The following CADPS variants were observed in gnomAD, a reference collection of about 807,000 sequenced individuals.
The protein encoded by CADPS is calcium dependent secretion activator, also known as calcium-dependent secretion activator 1.
CADPS carries 57 observed loss-of-function variants against 167.3 expected under a neutral mutation model. The observed-to-expected ratio is 0.34, with a 90% CI of 0.28 to 0.42. The LOEUF (loss-of-function observed/expected upper bound fraction) is 0.42. Ranked by LOEUF, CADPS falls within the 20% of genes least tolerant of loss-of-function variation. CADPS has a pLI of 1.00. For synonymous variants in CADPS, 676 were observed against 635.3 expected, an observed-to-expected ratio of 1.06 and a Z score of -0.96; for missense variants, 1,414 against 1,738.1, an observed-to-expected ratio of 0.81 and a Z score of 3.32.
intron 11 of CADPS, among the ~76,000 whole-genome samples, chr3:62,545,489 GA>G (rs1445332492): frequency 1.3e-5 from 2 of 151,852 alleles, no homozygotes; most frequent in Non-Finnish European, 2.9e-5. Flanking sequence ...TAACAAAAAA[GA>G]AAAAAATTAA....
At chr3:62,838,274 G>C (rs2076180257) in intron 1 of CADPS, among the ~76,000 whole-genome samples, 2 of 152,196 alleles carry the variant, frequency 1.3e-5, no homozygotes, top group Non-Finnish European at 2.9e-5. Context: ...TGATTTGACA[G>C]GTGGGCTACA....
intron 3 of CADPS, among the ~76,000 whole-genome samples, chr3:62,668,565 C>T (rs2074918606): frequency 6.6e-6 from 1 of 152,200 alleles, no homozygotes; most frequent in Non-Finnish European, 1.5e-5. Context: ...CTGCTCTGTT[C>T]TCCAGATTTG....
intron 4 of CADPS, among the ~76,000 whole-genome samples, chr3:62,656,832 A>T (rs2071731763): frequency 1.3e-5 from 2 of 152,182 alleles, no homozygotes; most frequent in African/African-American, 4.8e-5. Context: ...AATTGGTCTT[A>T]CTTCCTCAGC....
chr3:62,483,088 C>G (rs546403146), intron 21 of CADPS, among the ~76,000 whole-genome samples: 2 of 152,166 alleles, frequency 1.3e-5, no homozygotes, highest in African/African-American at 4.8e-5. Flanking sequence ...GCCAAAGTCA[C>G]TGGCACGGTA....
At chr3:62,800,822 A>G (rs1459074657) in intron 1 of CADPS, among the ~76,000 whole-genome samples, 1 of 152,206 alleles carries the variant, frequency 6.6e-6, no homozygotes, top group Non-Finnish European at 1.5e-5. Flanking sequence ...CATCTTTCCC[A>G]GAAAACGCGT....
At chr3:62,620,501 C>G (rs996480123) in intron 6 of CADPS, among the ~76,000 whole-genome samples, 1 of 152,148 alleles carries the variant, frequency 6.6e-6, no homozygotes. Flanking sequence ...CTGTATGAAA[C>G]ACTTCAAACA....
At chr3:62,583,329 T>G (rs2083866830) in intron 8 of CADPS, among the ~76,000 whole-genome samples, 1 of 152,134 alleles carries the variant, frequency 6.6e-6, no homozygotes, top group South Asian at 2.1e-4. Context: ...CTCCTTTGTC[T>G]TGAAAGTAGG....
chr3:62,564,827 G>A (rs890588354), intron 9 of CADPS, among the ~76,000 whole-genome samples: 2 of 152,056 alleles, frequency 1.3e-5, no homozygotes, highest in African/African-American at 4.8e-5. Context: ...GGCTGGTCTC[G>A]AACTCCTGAC....
intron 3 of CADPS, among the ~76,000 whole-genome samples, chr3:62,678,212 G>A (rs1289750141): frequency 6.6e-6 from 1 of 152,062 alleles, no homozygotes; most frequent in Non-Finnish European, 1.5e-5. Flanking sequence ...AGCCTGAGAT[G>A]CTGCACAGAG....
intron 21 of CADPS, among the ~76,000 whole-genome samples, chr3:62,485,250 AC>A (rs1234159439): frequency 6.6e-6 from 1 of 151,924 alleles, no homozygotes; most frequent in Admixed American, 6.6e-5. Context: ...AAAATTCCAA[AC>A]TTTGTGGGAC....
At chr3:62,499,094 C>T in intron 18 of CADPS, 68 bp downstream of exon 18, 1 of 911,942 alleles carries the variant, frequency 1.1e-6, no homozygotes, top group Admixed American at 1.9e-5. Flanking sequence ...CACAATCTGG[C>T]TGGGAAAATC....
chr3:62,457,455 C>G (rs1347007678), intron 26 of CADPS, among the ~76,000 whole-genome samples: 2 of 152,092 alleles, frequency 1.3e-5, no homozygotes, highest in African/African-American at 4.8e-5. Context: ...GTTTTAGAGA[C>G]TATGTAAAAA....
intron 1 of CADPS, among the ~76,000 whole-genome samples, chr3:62,866,320 G>A (rs965466395): frequency 2.0e-5 from 3 of 152,014 alleles, no homozygotes; most frequent in African/African-American, 7.2e-5. Context: ...TAATAAAGGT[G>A]ACTGTATTTT....
intron 3 of CADPS, among the ~76,000 whole-genome samples, chr3:62,723,348 GC>G (rs1233695269): frequency 2.6e-5 from 4 of 152,146 alleles, no homozygotes; most frequent in African/African-American, 9.7e-5. Context: ...AAACTCTAAA[GC>G]TTTTCCAGTT....
intron 3 of CADPS, among the ~76,000 whole-genome samples, chr3:62,712,185 C>T (rs548057337): frequency 6.6e-6 from 1 of 152,124 alleles, no homozygotes; most frequent in Non-Finnish European, 1.5e-5. Context: ...TCTTTGATCA[C>T]ACATATGAAT....
At chr3:62,829,432 A>G (rs924042469) in intron 1 of CADPS, among the ~76,000 whole-genome samples, 4 of 152,156 alleles carry the variant, frequency 2.6e-5, no homozygotes, top group Admixed American at 6.6e-5. Context: ...AGATTTTAGT[A>G]TCTGCGGAGG....
intron 3 of CADPS, among the ~76,000 whole-genome samples, chr3:62,691,457 G>T (rs1170262121): frequency 6.6e-6 from 1 of 151,930 alleles, no homozygotes; most frequent in African/African-American, 2.4e-5. Flanking sequence ...TCTACTTTCT[G>T]CTCAATTTTG....
At chr3:62,413,176 A>C (rs923199462) in intron 28 of CADPS, among the ~76,000 whole-genome samples, 2 of 152,224 alleles carry the variant, frequency 1.3e-5, no homozygotes, top group African/African-American at 4.8e-5. Flanking sequence ...ATTTTCAGTT[A>C]GGAATACTAC....
intron 23 of CADPS, among the ~76,000 whole-genome samples, chr3:62,475,600 A>AC (rs1023570967): frequency 3.2e-4 from 48 of 150,372 alleles, no homozygotes; most frequent in African/African-American, 8.5e-4. Flanking sequence ...AAAAAAAAAA[A>AC]AAAAAAAAAA....
Sources: allele counts gnomAD v4.1 joint callset (sites outside exome capture counted in the v4.1 genomes callset), GRCh38; gene constraint gnomAD v4.1.1; transcripts MANE v1.5; gene names NCBI Gene and HGNC (gene_info 2026-07-23, HGNC 2026-07-21).